The following LAMA3 variants were observed in gnomAD, a reference collection of about 807,000 sequenced individuals.
LAMA3 encodes the protein laminin subunit alpha 3, also known as laminin subunit alpha-3.
A neutral mutation model predicts 402.0 loss-of-function variants in LAMA3; 281 were observed. The ratio of observed to expected loss-of-function variants is 0.70; its 90% CI spans 0.63 to 0.77. LAMA3 has a LOEUF of 0.77. LAMA3 is among the 30% of genes least tolerant of loss of function. The pLI is 0.00. For synonymous variants in LAMA3, 1,431 were observed against 1,558.4 expected (o/e 0.92, Z 1.93); for missense variants, 3,840 against 4,215.5 (o/e 0.91, Z 2.47).
At chr18:23,708,245 A>C (rs1158716937) in intron 1 of LAMA3, among the ~76,000 whole-genome samples, 1 of 152,018 alleles carries the variant, frequency 6.6e-6, no homozygotes, top group African/African-American at 2.4e-5. Context: ...TGTTTGTCTC[A>C]TTTTGCCTTT....
chr18:23,935,600 A>G (rs1046696321), intron 67 of LAMA3, among the ~76,000 whole-genome samples: 1 of 152,148 alleles, frequency 6.6e-6, no homozygotes, highest in African/African-American at 2.4e-5. Context: ...TTTATTAGGT[A>G]TGTGATCTTG....
chr18:23,774,454 T>C (rs1451770606), intron 9 of LAMA3, among the ~76,000 whole-genome samples: 2 of 152,236 alleles, frequency 1.3e-5, no homozygotes, highest in Non-Finnish European at 2.9e-5. Flanking sequence ...TGAGTAGTTA[T>C]ATATAATTTA....
intron 2 of LAMA3, among the ~76,000 whole-genome samples, chr18:23,715,560 G>C (rs996328169): frequency 5.3e-5 from 8 of 152,196 alleles, no homozygotes; most frequent in Non-Finnish European, 8.8e-5. Context: ...GGGGCAAAAA[G>C]AAATGGAGGA....
Position 23,931,157 on chromosome 18 carries a change from G to T in LAMA3, c.8532G>T (p.Met2844Ile), listed in dbSNP as rs767865003. Residue 2844 changes from methionine (M) to isoleucine (I), a missense_variant, in exon 65 of 75, where the codon ATG (methionine) becomes ATT (isoleucine). Coordinates refer to ENST00000313654, the MANE Select transcript of LAMA3 (RefSeq NM_198129.4). ...TTTTTAAATCTCCACAGACGTATAT[G>T]GATGGTTTACTGCATTATGTATCTG... is the stretch of plus-strand genomic sequence containing the variant. The part of the protein sequence containing the change: ...GPIFKSPQTY[M>I]DGLLHYVSVI... 1 of 1,613,022 alleles carries T rather than the reference G, an allele frequency of 6.2e-7. No homozygotes were observed. Among genetic ancestry groups the T allele is most frequent in the Admixed American group, 1.7e-5 (1 of 60,000 alleles).
At chr18:23,861,444 C>G (rs1408522994) in intron 34 of LAMA3, among the ~76,000 whole-genome samples, 1 of 152,184 alleles carries the variant, frequency 6.6e-6, no homozygotes, top group Non-Finnish European at 1.5e-5. Flanking sequence ...CATGTAAGGC[C>G]ACTGCCTTCC....
intron 12 of LAMA3, among the ~76,000 whole-genome samples, chr18:23,792,920 T>C (rs915577606): frequency 1.3e-5 from 2 of 152,028 alleles, no homozygotes; most frequent in Non-Finnish European, 2.9e-5. Flanking sequence ...AGTGTATTAA[T>C]AGGAAATTTG....
rs545445290 is a variant in LAMA3 at position 23,869,837 on chromosome 18, G to C, written c.4768-1594G>C. Among the ~76,000 whole-genome samples the C allele has an allele frequency of 2.6e-5, 4 of 152,310 alleles. No homozygotes were observed. In the South Asian group the frequency reaches 8.3e-4, roughly 32 times the overall value. On this transcript the variant is annotated intron_variant, in intron 37 of 74. Coordinates refer to ENST00000313654, the MANE Select transcript of LAMA3 (RefSeq NM_198129.4). ...TAATTCCAGCACTTTGGGAGGCTGA[G>C]GTGGGTGGATCACGAGGTCAGGAGA...
At chr18:23,803,167 C>CAAGT (rs2062896093) in intron 12 of LAMA3, among the ~76,000 whole-genome samples, 1 of 152,156 alleles carries the variant, frequency 6.6e-6, no homozygotes, top group African/African-American at 2.4e-5. Flanking sequence ...TTTCTGTATC[C>CAAGT]AAGTAAGTGT....
intron 29 of LAMA3, among the ~76,000 whole-genome samples, chr18:23,843,510 C>T (rs2063750498): frequency 1.3e-5 from 2 of 152,180 alleles, no homozygotes; most frequent in South Asian, 2.1e-4. Flanking sequence ...CTTCTAGCCC[C>T]GTTGTCCTCA....
At chr18:23,854,830 A>G (rs996825808) in intron 32 of LAMA3, among the ~76,000 whole-genome samples, 1 of 150,126 alleles carries the variant, frequency 6.7e-6, no homozygotes, top group East Asian at 2.0e-4. Flanking sequence ...AAAAAAATAC[A>G]AAAAATTAGC....
intron 12 of LAMA3, among the ~76,000 whole-genome samples, chr18:23,787,663 A>G (rs1388881362): frequency 6.6e-6 from 1 of 152,206 alleles, no homozygotes; most frequent in Non-Finnish European, 1.5e-5. Context: ...GAAGGCAGTG[A>G]GAGCGTATAT....
rs145465380 is a variant in LAMA3, at chr18:23,783,769, A to T, written c.1469-254A>T. Among the ~76,000 whole-genome samples the T allele has an allele frequency of 4.3e-3, 660 of 152,324 alleles. 5 individuals carry two copies. The highest frequency in any genetic ancestry group is 9.5e-3 in the South Asian group (46 of 4,824). ...TTTAGAGGGAAAATAAAATGTTTCC[A>T]CAGGAATAGATGTTAAAAGAATGGT... On this transcript the variant is annotated intron_variant, in intron 11 of 74. Transcript: ENST00000313654.
In LAMA3 at chr18:23,879,386, G is replaced by A. The variant is rs533836883; in HGVS notation, c.5113-2550G>A. Among the ~76,000 whole-genome samples the A allele has an allele frequency of 3.9e-5, 6 of 152,246 alleles. No individual in the cohort carries two copies. Among genetic ancestry groups the A allele is most frequent in the Non-Finnish European group, 8.8e-5 (6 of 68,010 alleles). The stretch of plus-strand genomic sequence containing the variant: ...TGGAATGCCCTTCCCTCACTTCTGC[G>A]CTCAGTGAATCCCTGTCCTTCTGCG... On this transcript the variant is annotated intron_variant, in intron 39 of 74. Coordinates refer to ENST00000313654, the MANE Select transcript of LAMA3 (RefSeq NM_198129.4). This position sits in a 1 kb window ranked among gnomAD's most constrained non-coding sequence, Gnocchi z 4.2.
At chr18:23,775,314 A>G (rs1455929380) in intron 9 of LAMA3, among the ~76,000 whole-genome samples, 2 of 152,020 alleles carry the variant, frequency 1.3e-5, no homozygotes, top group African/African-American at 2.4e-5. Context: ...CATTTTTTTT[A>G]TGGGTCTTGG....
In LAMA3 at chr18:23,904,615, A is replaced by G. The variant is rs770641591; in HGVS notation, c.6536A>G (p.Tyr2179Cys). The G allele has an allele frequency of 3.1e-6, 5 of 1,613,572 alleles. No individual in the cohort carries two copies. Among genetic ancestry groups the G allele is most frequent in the Non-Finnish European group, 4.2e-6 (5 of 1,179,884 alleles). The change falls in exon 51 of 75, where the codon TAC becomes TGC. Residue 2179 changes from tyrosine to cysteine, a missense_variant. Around this residue, in one of 3 missense-constraint regions of LAMA3, gnomAD observed 891 missense variants for 857.5 expected, o/e 1.04. Coordinates refer to ENST00000313654, the MANE Select transcript of LAMA3 (RefSeq NM_198129.4). ...VRCAVDAATA[Y>C]ENILNAIKAA... ...TGTGCTGTGGATGCCGCCACCGCCT[A>G]CGAGAACATCCTCAATGCCATCAAA...
rs1568109215 is a variant in LAMA3 at position 23,717,719 on chromosome 18, A to ATTTTTTTTTTTTTTTTTTTTTTTTTT, written c.447+3647_447+3648insTTTTTTTTTTTTTTTTTTTTTTTTTT. Among the ~76,000 whole-genome samples the ATTTTTTTTTTTTTTTTTTTTTTTTTT allele has an allele frequency of 1.7e-5, 2 of 116,806 alleles. 1 individual carries two copies. Among genetic ancestry groups the ATTTTTTTTTTTTTTTTTTTTTTTTTT allele is most frequent in the Non-Finnish European group, 3.3e-5 (2 of 60,846 alleles). 76.6% of individuals were successfully genotyped at this position (116,806 alleles called of 152,430 possible). ...AGGTGCCCACCACCATGCCTGGCTA[A>ATTTTTTTTTTTTTTTTTTTTTTTTTT]ATTTTTTTTTTTTTTTTTTTTTTTT... On this transcript the variant is annotated intron_variant, in intron 2 of 74. Coordinates refer to ENST00000313654, the MANE Select transcript of LAMA3 (RefSeq NM_198129.4).
chr18:23,924,905 A>G (rs1187148876), intron 62 of LAMA3, among the ~76,000 whole-genome samples: 2 of 152,216 alleles, frequency 1.3e-5, no homozygotes. Flanking sequence ...GAGGCCAGTC[A>G]AAAGATTTCA....
chr18:23,709,467 C>G lies in LAMA3; in HGVS notation c.295-4453C>G, dbSNP rs535617395. On this transcript the variant is annotated intron_variant, in intron 1 of 74. Coordinates refer to ENST00000313654, the MANE Select transcript of LAMA3 (RefSeq NM_198129.4). The stretch of plus-strand genomic sequence containing the variant: ...AAATGTTATACATCTGTTTTTTTCT[C>G]CTGCCTTTAAAAAAATCCTTCTTGT... Among the ~76,000 whole-genome samples the G allele has an allele frequency of 5.3e-5, 8 of 151,066 alleles. 1 individual carries two copies. Among genetic ancestry groups the G allele is most frequent in the African/African-American group, 2.0e-4 (8 of 40,590 alleles).
chr18:23,760,584 T>C (rs1471102304), intron 7 of LAMA3, among the ~76,000 whole-genome samples: 7 of 152,242 alleles, frequency 4.6e-5, no homozygotes, highest in African/African-American at 7.2e-5. Context: ...ATATTTTTCA[T>C]TGTGGCAAAG....
Sources: gnomAD v4.1 joint callset for allele counts (sites outside exome capture counted in the v4.1 genomes callset) on GRCh38, gnomAD v4.1.1 for gene constraint, gnomAD v4.1.1 regional missense constraint, Gnocchi (gnomAD v3.1) non-coding constraint, MANE v1.5 for transcripts, NCBI Gene and HGNC (gene_info 2026-07-23, HGNC 2026-07-21) for gene names.